The following MSRA variants were observed in gnomAD, a reference collection of about 807,000 sequenced individuals.
MSRA encodes the protein methionine sulfoxide reductase A.
Under a neutral mutation model 31.3 loss-of-function variants are expected in MSRA, and 54 were observed. The observed-to-expected ratio is 1.73, with a 90% CI of 1.39 to 2.17. The LOEUF (loss-of-function observed/expected upper bound fraction) is 2.17, where lower values mean the gene tolerates loss of function less well. Ranked by LOEUF, MSRA falls within the 30% of genes most tolerant of loss-of-function variation. The pLI is 0.00. For missense variants in MSRA, 507 were observed against 300.9 expected (o/e 1.69, Z -5.07); for synonymous variants, 169 against 116.5 (o/e 1.45, Z -2.90).
At chr8:10,132,636 A>G (rs1219674367) in intron 1 of MSRA, among the ~76,000 whole-genome samples, 2 of 152,186 alleles carry the variant, frequency 1.3e-5, no homozygotes, top group African/African-American at 4.8e-5. Context: ...GCTGTCCTAT[A>G]AGGGCACTAA....
At chr8:10,378,945 G>A (rs1407747991) in intron 5 of MSRA, among the ~76,000 whole-genome samples, 3 of 152,114 alleles carry the variant, frequency 2.0e-5, no homozygotes, top group African/African-American at 7.2e-5. Flanking sequence ...CAGCCCTACT[G>A]CCCCATCACA....
At chr8:10,343,168 T>A (rs554990068) in intron 5 of MSRA, among the ~76,000 whole-genome samples, 1 of 152,356 alleles carries the variant, frequency 6.6e-6, no homozygotes, top group Admixed American at 6.5e-5. Context: ...TCTCCATCTC[T>A]TGGTCTCAAT....
At chr8:10,115,435 T>A (rs1800607048) in intron 1 of MSRA, among the ~76,000 whole-genome samples, 1 of 152,178 alleles carries the variant, frequency 6.6e-6, no homozygotes, top group Non-Finnish European at 1.5e-5. Context: ...AAAGATCCTT[T>A]CCTAGCACCT....
chr8:10,399,004 C>T (rs138556665), intron 5 of MSRA, among the ~76,000 whole-genome samples: 21 of 152,282 alleles, frequency 1.4e-4, no homozygotes, highest in African/African-American at 4.6e-4. Flanking sequence ...GGACTGGGTT[C>T]GGCTCAGCAA....
At chr8:10,177,524 G>A (rs903443380) in intron 1 of MSRA, among the ~76,000 whole-genome samples, 1 of 152,134 alleles carries the variant, frequency 6.6e-6, no homozygotes, top group South Asian at 2.1e-4. Flanking sequence ...TGGGAGGAAA[G>A]GATTGTGTTT....
At chr8:10,193,791 C>A (rs192137776) in intron 1 of MSRA, among the ~76,000 whole-genome samples, 1 of 152,150 alleles carries the variant, frequency 6.6e-6, no homozygotes, top group Non-Finnish European at 1.5e-5. Context: ...GGGACCAAGT[C>A]TGCTATCTCA....
At chr8:10,098,619 T>C (rs1238199436) in intron 1 of MSRA, among the ~76,000 whole-genome samples, 1 of 152,160 alleles carries the variant, frequency 6.6e-6, no homozygotes, top group African/African-American at 2.4e-5. Context: ...TTCAACAAAG[T>C]ATGTTCACTT....
chr8:10,324,508 C>G (rs945977225), intron 5 of MSRA, among the ~76,000 whole-genome samples: 2 of 152,192 alleles, frequency 1.3e-5, no homozygotes, highest in Non-Finnish European at 2.9e-5. Context: ...CTTTTCCTGC[C>G]TGGAGACCAC....
At chr8:10,422,243 A>C (rs1808858284) in intron 5 of MSRA, among the ~76,000 whole-genome samples, 1 of 152,148 alleles carries the variant, frequency 6.6e-6, no homozygotes, top group East Asian at 1.9e-4. Context: ...CCATGGTTGC[A>C]CCAGTGTACT....
Position 10,194,230 on chromosome 8 carries a change from T to A in MSRA, c.143-13603T>A, listed in dbSNP as rs572363250. On this transcript the variant is annotated intron_variant, in intron 1 of 5. Coordinates refer to ENST00000317173, the MANE Select transcript of MSRA (RefSeq NM_012331.5). ...ATAATCTTTTATTTCTATCCAAAATTTTGCATGCTTGATCCTCTTAAAATC... is the reference window on the plus strand; with the variant it reads ...ATAATCTTTTATTTCTATCCAAAATATTGCATGCTTGATCCTCTTAAAATC... Among the ~76,000 whole-genome samples the A allele has an allele frequency of 3.7e-4, 57 of 152,226 alleles. No homozygotes were observed. The East Asian group carries it at 0.01, about 27-fold the overall frequency.
intron 1 of MSRA, among the ~76,000 whole-genome samples, chr8:10,075,906 G>T (rs1797972482): frequency 6.6e-6 from 1 of 152,204 alleles, no homozygotes; most frequent in Non-Finnish European, 1.5e-5. Context: ...GTGATGCTGG[G>T]AAATGAATGC....
chr8:10,247,824 G>A (rs1209424090), intron 3 of MSRA, among the ~76,000 whole-genome samples: 1 of 152,228 alleles, frequency 6.6e-6, no homozygotes, highest in East Asian at 1.9e-4. Context: ...AAAAGGCAGA[G>A]AGGAGCTATG....
chr8:10,313,691 G>A (rs936559701), intron 4 of MSRA, among the ~76,000 whole-genome samples: 7 of 152,022 alleles, frequency 4.6e-5, no homozygotes, highest in Non-Finnish European at 8.8e-5. Context: ...AGCTAATCTC[G>A]ACATTTATAG....
intron 1 of MSRA, among the ~76,000 whole-genome samples, chr8:10,065,257 G>A (rs1797399933): frequency 6.6e-6 from 1 of 152,180 alleles, no homozygotes; most frequent in Non-Finnish European, 1.5e-5. Context: ...CAGGCAGTCT[G>A]TCCCTGCTAG....
intron 1 of MSRA, among the ~76,000 whole-genome samples, chr8:10,190,072 G>GC (rs1807375110): frequency 6.6e-6 from 1 of 152,114 alleles, no homozygotes; most frequent in African/African-American, 2.4e-5. Context: ...TGTAAGCTCT[G>GC]TGATAAGCCA....
Position 10,301,533 on chromosome 8 carries a change from G to A in MSRA, c.332-1G>A. 1.2e-6 allele frequency: 2 copies of A among 1,607,002 alleles called. No individual in the cohort carries two copies. Among genetic ancestry groups the A allele is most frequent in the Non-Finnish European group, 1.7e-6 (2 of 1,178,174 alleles). On this transcript the variant is annotated splice_acceptor_variant, in intron 3 of 5. Coordinates refer to ENST00000317173, the MANE Select transcript of MSRA (RefSeq NM_012331.5). LOFTEE classifies it high-confidence loss of function. ...CGGTTGTACGTTTTGTTTTTTCCAA[G>A]AAAAAACTGGCCATGCAGAAGTCGT...
rs1802159728 is a variant in MSRA at position 10,054,362 on chromosome 8, G to T, written c.-155G>T. On this transcript the variant is annotated 5_prime_UTR_variant, in exon 1 of 6. Coordinates refer to ENST00000317173, the MANE Select transcript of MSRA (RefSeq NM_012331.5). ...GGTTTGGGCAACCTCGATTACGGGC[G>T]GCCTCCAGCCCCGCCAGCAGCGCCC... 3.1e-6 allele frequency: 2 copies of T among 649,408 alleles called. No individual in the cohort carries two copies. Among genetic ancestry groups the T allele is most frequent in the Non-Finnish European group, 4.4e-6 (2 of 459,162 alleles). The allele number at this position is 649,408 out of a possible 1,614,324, so 40.2% of individuals were successfully genotyped here.
chr8:10,096,283 A>G (rs979665105), intron 1 of MSRA: 2 of 1,149,160 alleles, frequency 1.7e-6, no homozygotes, highest in Admixed American at 9.1e-5. Context: ...GGCAAGCTGA[A>G]GACACCAGAC....
At chr8:10,170,794 T>G (rs902803177) in intron 1 of MSRA, among the ~76,000 whole-genome samples, 1 of 152,316 alleles carries the variant, frequency 6.6e-6, no homozygotes, top group Non-Finnish European at 1.5e-5. Flanking sequence ...TATACTGTTG[T>G]TTATGAGCCA....
Sources: gnomAD v4.1 joint callset for allele counts (sites outside exome capture counted in the v4.1 genomes callset) on GRCh38, gnomAD v4.1.1 for gene constraint, MANE v1.5 for transcripts, NCBI Gene and HGNC (gene_info 2026-07-23, HGNC 2026-07-21) for gene names.